The following ULK2 variants were observed in gnomAD, a reference collection of about 807,000 sequenced individuals.
The protein encoded by ULK2 is unc-51 like autophagy activating kinase 2.
In ULK2, 76 loss-of-function variants were observed where a neutral mutation model predicts 127.5. That is an observed-to-expected ratio of 0.60 (90% CI 0.50 to 0.72). ULK2 has a LOEUF of 0.72. Ranked by LOEUF, ULK2 falls within the 30% of genes least tolerant of loss-of-function variation. ULK2 has a pLI of 0.00. For missense variants in ULK2, 1,144 were observed against 1,295.9 expected, an observed-to-expected ratio of 0.88 and a Z score of 1.80; for synonymous variants, 452 against 461.9, an observed-to-expected ratio of 0.98 and a Z score of 0.28.
At chr17:19,842,538 CTTTG>C (rs2041790796) in intron 8 of ULK2, among the ~76,000 whole-genome samples, 1 of 152,002 alleles carries the variant, frequency 6.6e-6, no homozygotes, top group East Asian at 1.9e-4. Flanking sequence ...AATATTTTCA[CTTTG>C]TTTCAGTTTT....
rs1302736187 is a variant in ULK2 at position 19,866,740 on chromosome 17, T to C, written c.90+588A>G. On this transcript the variant is annotated intron_variant, in intron 1 of 26. Coordinates refer to ENST00000395544, the MANE Select transcript of ULK2 (RefSeq NM_014683.4). Reference sequence around the variant, plus strand: ...ATTTTTTTAAGGCTTAAAGGTGATTTCATGTTCAAGGTGATTGAAAATGAA... The same window carrying C: ...ATTTTTTTAAGGCTTAAAGGTGATTCCATGTTCAAGGTGATTGAAAATGAA... Among the ~76,000 whole-genome samples the C allele has an allele frequency of 3.3e-5, 5 of 152,292 alleles. No individual in the cohort carries two copies. In the East Asian group the frequency reaches 9.7e-4, roughly 29 times the overall value.
rs768701140 is a variant in ULK2 at position 19,867,412 on chromosome 17, C to G, written c.6G>C (p.Glu2Asp). The change falls in exon 1 of 27, where the codon GAG becomes GAC. Residue 2 changes from glutamate (E) to aspartate (D), a missense_variant. Coordinates refer to ENST00000395544, the MANE Select transcript of ULK2 (RefSeq NM_014683.4). MEVVGDFEYSKR... is the reference protein window; with the variant it reads MDVVGDFEYSKR... ...TGCTGTACTCGAAGTCACCCACCAC[C>G]TCCATGGCCGCGCCCCCGGGGCACA... The G allele has an allele frequency of 2.5e-6, 4 of 1,595,272 alleles. No homozygotes were observed. The highest frequency in any genetic ancestry group is 3.4e-6 in the Non-Finnish European group (4 of 1,172,700).
At chr17:19,853,142 T>C (rs1259552805) in intron 3 of ULK2, among the ~76,000 whole-genome samples, 1 of 151,462 alleles carries the variant, frequency 6.6e-6, no homozygotes, top group Non-Finnish European at 1.5e-5. Flanking sequence ...TTTTTAATTT[T>C]TTTTTTTTTT....
chr17:19,845,443 T>TGTTAG, intron 6 of ULK2, 66 bp from the exon 7 acceptor site: 1 of 1,233,814 alleles, frequency 8.1e-7, no homozygotes, highest in Non-Finnish European at 1.2e-6. Context: ...ATATATCATA[T>TGTTAG]GATTCTTCGA....
intron 12 of ULK2, among the ~76,000 whole-genome samples, chr17:19,823,236 T>C (rs906727352): frequency 6.6e-6 from 1 of 151,242 alleles, no homozygotes; most frequent in Non-Finnish European, 1.5e-5. Flanking sequence ...AATAGGTTTG[T>C]CCACCAGAGT....
intron 3 of ULK2, among the ~76,000 whole-genome samples, chr17:19,863,675 T>C (rs1308447419): frequency 1.3e-5 from 2 of 151,986 alleles, no homozygotes; most frequent in Non-Finnish European, 2.9e-5. Context: ...GATTCTTGCA[T>C]TTGAAGGATT....
At chr17:19,791,475 A>G (rs1175750496) in intron 20 of ULK2, among the ~76,000 whole-genome samples, 3 of 152,172 alleles carry the variant, frequency 2.0e-5, no homozygotes, top group African/African-American at 4.8e-5. Context: ...ACATGTGGCC[A>G]GGAGTTCCAG....
At chr17:19,832,852 G>C (rs926575193) in intron 10 of ULK2, among the ~76,000 whole-genome samples, 1 of 152,170 alleles carries the variant, frequency 6.6e-6, no homozygotes, top group Admixed American at 6.5e-5. Flanking sequence ...ACCAGGCATC[G>C]TGGCTCATGC....
intron 3 of ULK2, among the ~76,000 whole-genome samples, chr17:19,862,398 A>C (rs2042261491): frequency 6.6e-6 from 1 of 152,056 alleles, no homozygotes; most frequent in Non-Finnish European, 1.5e-5. Flanking sequence ...ACCAGGCAAA[A>C]AAAGTTAAAC....
Position 19,842,284 on chromosome 17 carries a change from G to A in ULK2, c.646-737C>T, listed in dbSNP as rs1042693193. On this transcript the variant is annotated intron_variant, in intron 8 of 26. Coordinates refer to ENST00000395544, the MANE Select transcript of ULK2 (RefSeq NM_014683.4). ...GTGATCTCGGCTCACCGCAACCTTC[G>A]CCTCCCAGGTTCAAGCGATTCTCCT... Among the ~76,000 whole-genome samples, 8 of 131,176 alleles carry A rather than the reference G, an allele frequency of 6.1e-5. No individual in the cohort carries two copies. In the South Asian group the frequency reaches 1.7e-3, roughly 28 times the overall value. The allele number at this position is 131,176 out of a possible 152,430, so 86.1% of individuals were successfully genotyped here.
intron 9 of ULK2, among the ~76,000 whole-genome samples, chr17:19,839,964 T>C (rs201624599): frequency 5.4e-5 from 8 of 147,592 alleles, no homozygotes; most frequent in Admixed American, 2.0e-4. Flanking sequence ...TACACACACA[T>C]ACACACACAC....
At chr17:19,789,889 T>A (rs1597717800) in intron 20 of ULK2, among the ~76,000 whole-genome samples, 2 of 100,256 alleles carry the variant, frequency 2.0e-5, no homozygotes, top group Admixed American at 2.1e-4. Context: ...GAAGCAAGCC[T>A]ACAAATCTAA....
chr17:19,783,365 T>C (rs1456054373), intron 22 of ULK2, among the ~76,000 whole-genome samples: 4 of 151,818 alleles, frequency 2.6e-5, no homozygotes, highest in African/African-American at 4.8e-5. Flanking sequence ...GGCAGGAGAA[T>C]TGCTTGAACC....
At chr17:19,842,190 C>CTTTTTTTTTT (rs869294657) in intron 8 of ULK2, among the ~76,000 whole-genome samples, 3 of 88,374 alleles carry the variant, frequency 3.4e-5, no homozygotes, top group Non-Finnish European at 6.6e-5. Context: ...TTTTCTTTTT[C>CTTTTTTTTTT]TTTTTTTTTT....
In ULK2 at chr17:19,782,083, T is replaced by C. The variant is rs2086931571; in HGVS notation, c.2461-16A>G. On this transcript the variant is annotated splice_polypyrimidine_tract_variant and intron_variant, in intron 22 of 26. Coordinates refer to ENST00000395544, the MANE Select transcript of ULK2 (RefSeq NM_014683.4). ...TGTGTTCCCGCTGCAGCAAAGTCAA[T>C]TTGTCTTAGAAAATTTCAGATTAAA... 8 of 1,611,696 alleles carry C rather than the reference T, an allele frequency of 5.0e-6. No individual in the cohort carries two copies. The highest frequency in any genetic ancestry group is 6.8e-6 in the Non-Finnish European group (8 of 1,178,660).
intron 3 of ULK2, chr17:19,861,166 T>G (rs539151631): frequency 6.6e-6 from 1 of 152,220 alleles, no homozygotes; most frequent in Admixed American, 6.5e-5. Flanking sequence ...GATTAACAAT[T>G]CACATTTTTT....
At chr17:19,824,096 C>T (rs2041228512) in intron 12 of ULK2, among the ~76,000 whole-genome samples, 1 of 152,190 alleles carries the variant, frequency 6.6e-6, no homozygotes, top group Admixed American at 6.5e-5. Context: ...CTGCAAGCCC[C>T]ATCCACTTAA....
intron 18 of ULK2, among the ~76,000 whole-genome samples, chr17:19,796,864 TG>T (rs1394719770): frequency 1.3e-5 from 2 of 152,374 alleles, no homozygotes; most frequent in East Asian, 3.9e-4. Flanking sequence ...ACAGCTTGTG[TG>T]ACCTTGCACA....
rs2086746711 is a variant in ULK2 at position 19,772,307 on chromosome 17, T to C, written c.*4042A>G. On this transcript the variant is annotated 3_prime_UTR_variant, in exon 27 of 27. Coordinates refer to ENST00000395544, the MANE Select transcript of ULK2 (RefSeq NM_014683.4). Reference sequence around the variant, plus strand: ...AGTGTTTTTCTAGGTGGATTGTTTCTGATGTGGTTTCCTCTGATGCAGGTG... The same window carrying C: ...AGTGTTTTTCTAGGTGGATTGTTTCCGATGTGGTTTCCTCTGATGCAGGTG... 6.6e-6 allele frequency: 1 copy of C among 152,282 alleles called. No individual in the cohort carries two copies. Among genetic ancestry groups the C allele is most frequent in the African/African-American group, 2.4e-5 (1 of 41,468 alleles). The allele number at this position is 152,282 out of a possible 1,614,324, so 9.4% of individuals were successfully genotyped here. A position where few individuals can be genotyped will look rare whatever the true frequency, so the allele number is the denominator to read the frequency against.
Sources: allele counts gnomAD v4.1 joint callset (sites outside exome capture counted in the v4.1 genomes callset), GRCh38; gene constraint gnomAD v4.1.1; transcripts MANE v1.5; gene names NCBI Gene and HGNC (gene_info 2026-07-23, HGNC 2026-07-21).